The following RCAN2 variants were observed in gnomAD, a reference collection of about 807,000 sequenced individuals.
RCAN2 encodes regulator of calcineurin 2, also known as calcipressin-2.
Under a neutral mutation model 23.6 loss-of-function variants are expected in RCAN2, and 9 were observed. That is an observed-to-expected ratio of 0.38 (90% CI 0.23 to 0.67). RCAN2 has a LOEUF of 0.67. RCAN2 is among the 30% of genes least tolerant of loss of function. RCAN2 has a pLI of 0.51. For synonymous variants in RCAN2, 109 were observed against 115.7 expected, an observed-to-expected ratio of 0.94 and a Z score of 0.37; for missense variants, 273 against 302.3, an observed-to-expected ratio of 0.90 and a Z score of 0.72.
rs138977979 is a variant in RCAN2 at position 46,423,655 on chromosome 6, T to C, written c.225+33097A>G. ...ATACATTTTGTAATTTAATTATGGGTACCTTATTATCTCATTGTTTTTATT... is the reference window on the plus strand; with the variant it reads ...ATACATTTTGTAATTTAATTATGGGCACCTTATTATCTCATTGTTTTTATT... On this transcript the variant is annotated intron_variant, in intron 2 of 4. Transcript: ENST00000371374. 6.6e-5 allele frequency among the ~76,000 whole-genome samples: 10 copies of C among 152,352 alleles called. No homozygotes were observed. The East Asian group carries it at 1.9e-3, about 29-fold the overall frequency.
intron 2 of RCAN2, among the ~76,000 whole-genome samples, chr6:46,368,510 AC>A (rs1765237694): frequency 6.6e-6 from 1 of 152,194 alleles, no homozygotes; most frequent in Admixed American, 6.5e-5. Context: ...CATAGAGTGT[AC>A]TTACACAAAC....
intron 2 of RCAN2, among the ~76,000 whole-genome samples, chr6:46,387,550 G>T (rs1361163515): frequency 6.6e-6 from 1 of 152,196 alleles, no homozygotes; most frequent in Non-Finnish European, 1.5e-5. Context: ...AAACCACAAT[G>T]AGATACCATC....
At chr6:46,284,959 T>C (rs1161647260) in intron 2 of RCAN2, among the ~76,000 whole-genome samples, 1 of 152,260 alleles carries the variant, frequency 6.6e-6, no homozygotes, top group African/African-American at 2.4e-5. Context: ...TTAATTGTTC[T>C]CTTATCTACT....
chr6:46,243,922 A>G (rs1321454961), intron 4 of RCAN2, among the ~76,000 whole-genome samples: 2 of 152,010 alleles, frequency 1.3e-5, no homozygotes, highest in South Asian at 2.1e-4. Flanking sequence ...CAAGCCAACC[A>G]GTATCCTTAA....
intron 1 of RCAN2, among the ~76,000 whole-genome samples, chr6:46,486,250 A>C (rs1314514003): frequency 2.6e-5 from 4 of 152,174 alleles, no homozygotes; most frequent in Non-Finnish European, 5.9e-5. Context: ...GCTTTTCTGT[A>C]AATAGTGATG....
chr6:46,227,958 G>T (rs1765734104), intron 4 of RCAN2, among the ~76,000 whole-genome samples: 1 of 152,200 alleles, frequency 6.6e-6, no homozygotes, highest in African/African-American at 2.4e-5. Context: ...GTGTCCCAGA[G>T]ATTCTGGTAT....
At position 46,340,252 on chromosome 6, in the gene RCAN2, C is replaced by T. The variant is rs374383003; in HGVS notation, c.226-91356G>A. 8.5e-4 allele frequency among the ~76,000 whole-genome samples: 129 copies of T among 152,254 alleles called. 2 individuals are homozygous for T. The highest frequency in any genetic ancestry group is 2.9e-3 in the African/African-American group (120 of 41,552). ...TACTCCACTATCCAACTCCTTAATT[C>T]CTCAAGCTTTGAGAATTTTAGAGAT... On this transcript the variant is annotated intron_variant, in intron 2 of 4. Coordinates refer to ENST00000371374, the MANE Select transcript of RCAN2 (RefSeq NM_001251974.2).
intron 2 of RCAN2, among the ~76,000 whole-genome samples, chr6:46,289,077 C>T (rs144044985): frequency 1.6e-3 from 246 of 152,242 alleles, no homozygotes; most frequent in African/African-American, 5.3e-3. Flanking sequence ...GTGGGGCTGA[C>T]GGGTGGCTGC....
chr6:46,391,234 A>G (rs112588857), intron 2 of RCAN2, among the ~76,000 whole-genome samples: 7,715 of 152,254 alleles, frequency 0.051, 381 homozygotes, highest in South Asian at 0.13. Context: ...AAAAAAGGAT[A>G]AGTTCATGTC....
intron 2 of RCAN2, among the ~76,000 whole-genome samples, chr6:46,437,147 C>A (rs1767395910): frequency 6.6e-6 from 1 of 152,172 alleles, no homozygotes; most frequent in Admixed American, 6.6e-5. Flanking sequence ...ATAAATTGAT[C>A]CTATTTGGGT....
intron 2 of RCAN2, among the ~76,000 whole-genome samples, chr6:46,327,602 A>G (rs1362986963): frequency 6.6e-6 from 1 of 152,258 alleles, no homozygotes; most frequent in Non-Finnish European, 1.5e-5. Flanking sequence ...GATGAATGTG[A>G]TTTTGAATAT....
chr6:46,344,448 T>A (rs1431697209), intron 2 of RCAN2, among the ~76,000 whole-genome samples: 1 of 151,672 alleles, frequency 6.6e-6, no homozygotes, highest in Non-Finnish European at 1.5e-5. Context: ...AAGACCTTCT[T>A]ATTATATTTA....
At chr6:46,486,942 T>G (rs1306880653) in intron 1 of RCAN2, among the ~76,000 whole-genome samples, 1 of 152,220 alleles carries the variant, frequency 6.6e-6, no homozygotes, top group African/African-American at 2.4e-5. Flanking sequence ...GCTTCCATCT[T>G]TAAAAATATT....
At chr6:46,354,113 C>A (rs539909478) in intron 2 of RCAN2, among the ~76,000 whole-genome samples, 1 of 152,010 alleles carries the variant, frequency 6.6e-6, no homozygotes, top group South Asian at 2.1e-4. Flanking sequence ...TTTAATCCTG[C>A]AATGTTATTA....
At chr6:46,281,405 A>G (rs563379523) in intron 2 of RCAN2, among the ~76,000 whole-genome samples, 6 of 152,240 alleles carry the variant, frequency 3.9e-5, no homozygotes, top group African/African-American at 1.2e-4. Flanking sequence ...GTTTTAAACA[A>G]GTTTCCCAAG....
Position 46,456,851 on chromosome 6 carries a change from T to A in RCAN2, c.126A>T (p.Ala42=), listed in dbSNP as rs1768049302. The A allele has an allele frequency of 2.6e-6, 4 of 1,550,606 alleles. No individual in the cohort carries two copies. Among genetic ancestry groups the A allele is most frequent in the African/African-American group, 1.4e-5 (1 of 73,064 alleles). ...DRDWAVTRCF[A]EEAFQAITDF... is the part of the protein sequence containing the mutation. ...CAGTGATTGCTTGAAAGGCTTCTTC[T>A]GCAAAACAACGAGTGACAGCCCAGT... The change falls in exon 2 of 5, where the codon GCA becomes GCT. Residue 42 remains alanine (A), a synonymous_variant. Transcript: ENST00000371374.
chr6:46,442,445 C>T (rs1767576142), intron 2 of RCAN2, among the ~76,000 whole-genome samples: 1 of 152,152 alleles, frequency 6.6e-6, no homozygotes, highest in African/African-American at 2.4e-5. Flanking sequence ...GCCTAGAGGG[C>T]AAGACATTAT....
chr6:46,238,225 T>G (rs1252802709), intron 4 of RCAN2, among the ~76,000 whole-genome samples: 1 of 152,186 alleles, frequency 6.6e-6, no homozygotes, highest in Non-Finnish European at 1.5e-5. Flanking sequence ...AGGCAGGGGC[T>G]GCTCCTCTAT....
At chr6:46,488,079 C>A (rs971831384) in intron 1 of RCAN2, among the ~76,000 whole-genome samples, 47 of 152,328 alleles carry the variant, frequency 3.1e-4, no homozygotes, top group South Asian at 4.1e-4. Context: ...ACTCCTGACT[C>A]AGTCCAGTTC....
Sources: gnomAD v4.1 joint callset for allele counts (sites outside exome capture counted in the v4.1 genomes callset) on GRCh38, gnomAD v4.1.1 for gene constraint, MANE v1.5 for transcripts, NCBI Gene and HGNC (gene_info 2026-07-23, HGNC 2026-07-21) for gene names.